Variants in RGS22 observed in about 807,000 individuals in gnomAD.
The protein encoded by RGS22 is regulator of G-protein signaling 22.
Under a neutral mutation model 172.9 loss-of-function variants are expected in RGS22, and 148 were observed. That is an observed-to-expected ratio of 0.86 (90% CI 0.75 to 0.98). The LOEUF is 0.98. Among genes scored for constraint, RGS22 ranks in the 50% least tolerant of loss-of-function variants. RGS22 has a pLI of 0.00. For missense variants in RGS22, 1,347 were observed against 1,440.8 expected, an observed-to-expected ratio of 0.93 and a Z score of 1.05; for synonymous variants, 458 against 480.2, an observed-to-expected ratio of 0.95 and a Z score of 0.60.
At chr8:100,057,171 C>T (rs958698792) in intron 9 of RGS22, among the ~76,000 whole-genome samples, 2 of 152,154 alleles carry the variant, frequency 1.3e-5, no homozygotes, top group African/African-American at 4.8e-5. Context: ...GTAGCCCTTT[C>T]GTTTTGGCCA....
intron 8 of RGS22, 34 bp from the exon 9 acceptor site, chr8:100,062,786 C>A (rs370048537): frequency 6.6e-7 from 1 of 1,523,314 alleles, no homozygotes; most frequent in Non-Finnish European, 9.0e-7. Flanking sequence ...TATACACACA[C>A]ACATTGGTAG....
In RGS22 at chr8:100,062,783, A is replaced by C. The variant is rs370049664; in HGVS notation, c.1353-31T>G. 2.3e-5 allele frequency: 35 copies of C among 1,536,712 alleles called. No individual in the cohort carries two copies. The African/African-American group carries it at 3.7e-4, about 16-fold the overall frequency. On this transcript the variant is annotated intron_variant, in intron 8 of 27. Transcript: ENST00000360863. ...ATAAAACACATTTCCATATATACAC[A>C]CACACATTGGTAGAATATTCAACTA...
intron 2 of RGS22, among the ~76,000 whole-genome samples, chr8:100,096,171 CA>C (rs1563729382): frequency 1.3e-5 from 2 of 152,198 alleles, no homozygotes; most frequent in South Asian, 4.1e-4. Flanking sequence ...CAGTCACTCT[CA>C]AAGAGTTTCC....
intron 20 of RGS22, among the ~76,000 whole-genome samples, chr8:99,990,966 C>T (rs140869819): frequency 6.6e-6 from 1 of 152,262 alleles, no homozygotes; most frequent in South Asian, 2.1e-4. Context: ...GATACCCAGG[C>T]AAAGAGGGTC....
At chr8:100,014,877 T>C (rs1282180264) in intron 14 of RGS22, among the ~76,000 whole-genome samples, 1 of 152,226 alleles carries the variant, frequency 6.6e-6, no homozygotes, top group Non-Finnish European at 1.5e-5. Flanking sequence ...CTCAGCTTCC[T>C]TGGCTCCTGA....
chr8:100,023,743 C>G (rs1309555597), intron 14 of RGS22, among the ~76,000 whole-genome samples: 1 of 152,118 alleles, frequency 6.6e-6, no homozygotes, highest in African/African-American at 2.4e-5. Flanking sequence ...CTGGAAAATT[C>G]TTTCTTTACA....
At chr8:100,104,161 T>C (rs1277828666) in intron 2 of RGS22, among the ~76,000 whole-genome samples, 4 of 151,934 alleles carry the variant, frequency 2.6e-5, no homozygotes, top group Non-Finnish European at 5.9e-5. Context: ...CTACAAAAAA[T>C]ATAAAAATTA....
chr8:100,046,204 GAC>G lies in RGS22; in HGVS notation c.1823+1257_1823+1258del, dbSNP rs1182758656. 3 of 152,102 alleles carry G rather than the reference GAC, an allele frequency of 2.0e-5. No individual in the cohort carries two copies. The East Asian group carries it at 5.8e-4, about 29-fold the overall frequency. 9.4% of individuals were successfully genotyped at this position (152,102 alleles called of 1,614,324 possible). On this transcript the variant is annotated intron_variant, in intron 11 of 27. Transcript: ENST00000360863. ...TAAGAATAAAACAATTTCAGTAAAT[GAC>G]ACACAAAAAACTCTCCAGTTGTTCT...
chr8:100,063,766 C>T lies in RGS22; in HGVS notation c.1002G>A (p.Lys334=). ...TATAGTCTGGGGTTTCTCCAACTGG[C>T]TTTCCAACAATTTGCTGAATTGCTC... is the stretch of plus-strand genomic sequence containing the variant. ...LRGAIQQIVG[K]PVGETPDYIN... Residue 334 remains lysine, a synonymous_variant, in exon 8 of 28, where the codon AAG becomes AAA. Transcript: ENST00000360863. 6.2e-7 allele frequency: 1 copy of T among 1,614,062 alleles called. No individual in the cohort carries two copies. Among genetic ancestry groups the T allele is most frequent in the African/African-American group, 1.3e-5 (1 of 75,044 alleles).
chr8:99,969,272 A>G (rs1203843515), intron 23 of RGS22, among the ~76,000 whole-genome samples: 1 of 152,226 alleles, frequency 6.6e-6, no homozygotes, highest in Non-Finnish European at 1.5e-5. Flanking sequence ...AACTGGTAAC[A>G]GCCACTGCAA....
rs1298983203 is a variant in RGS22, at chr8:99,961,047, G to A, written c.*195C>T. 2 of 365,618 alleles carry A rather than the reference G, an allele frequency of 5.5e-6. No individual in the cohort carries two copies. Among genetic ancestry groups the A allele is most frequent in the East Asian group, 1.5e-4 (2 of 13,382 alleles). 22.6% of individuals were successfully genotyped at this position (365,618 alleles called of 1,614,324 possible). A position where few individuals can be genotyped will look rare whatever the true frequency, so the allele number is the denominator to read the frequency against. Reference sequence around the variant, plus strand: ...TAGCTATAATTTTAAAACTGCGAGAGTAAGACAAGCCAAATTTTCTTTATT... The same window carrying A: ...TAGCTATAATTTTAAAACTGCGAGAATAAGACAAGCCAAATTTTCTTTATT... On this transcript the variant is annotated 3_prime_UTR_variant, in exon 28 of 28. Coordinates refer to ENST00000360863, the MANE Select transcript of RGS22 (RefSeq NM_015668.5).
chr8:100,094,861 T>C (rs1010435431), intron 2 of RGS22, among the ~76,000 whole-genome samples: 1 of 152,216 alleles, frequency 6.6e-6, no homozygotes, highest in African/African-American at 2.4e-5. Context: ...GTAGAAGGCA[T>C]TGTGCTACAA....
At chr8:100,012,831 A>C (rs1003403515) in intron 14 of RGS22, among the ~76,000 whole-genome samples, 2 of 152,142 alleles carry the variant, frequency 1.3e-5, no homozygotes, top group Non-Finnish European at 1.5e-5. Flanking sequence ...TAGGGGAGAA[A>C]TATTTTTTTG....
At chr8:100,089,815 T>C (rs968844836) in intron 3 of RGS22, among the ~76,000 whole-genome samples, 1 of 152,150 alleles carries the variant, frequency 6.6e-6, no homozygotes, top group African/African-American at 2.4e-5. Flanking sequence ...GATTCTCTTA[T>C]CCAAATCATT....
rs542472492 is a variant in RGS22, at chr8:100,038,678, T to G, written c.2166+253A>C. On this transcript the variant is annotated intron_variant, in intron 14 of 27. Transcript: ENST00000360863. ...ACATTAGAAAAAAAAGAGAGAGAGA[T>G]GTTCTTTATCAGAAGAACAAGTAGT... 3 of 311,106 alleles carry G rather than the reference T, an allele frequency of 9.6e-6. No homozygotes were observed. The Admixed American group carries it at 1.5e-4, about 15-fold the overall frequency. 19.3% of individuals were successfully genotyped at this position (311,106 alleles called of 1,614,324 possible). A position where few individuals can be genotyped will look rare whatever the true frequency, so the allele number is the denominator to read the frequency against.
At chr8:100,012,393 G>C (rs1816482863) in intron 14 of RGS22, among the ~76,000 whole-genome samples, 1 of 152,182 alleles carries the variant, frequency 6.6e-6, no homozygotes, top group African/African-American at 2.4e-5. Flanking sequence ...AAGAGCAACA[G>C]TGATTTGAAA....
intron 14 of RGS22, among the ~76,000 whole-genome samples, chr8:100,017,470 A>T (rs1477078457): frequency 6.6e-6 from 1 of 152,174 alleles, no homozygotes; most frequent in Non-Finnish European, 1.5e-5. Context: ...AACTGAATTC[A>T]GTTTGTCAAT....
rs775222030 is a variant in RGS22 at position 100,062,651 on chromosome 8, C to G, written c.1454G>C (p.Trp485Ser). The G allele has an allele frequency of 1.7e-5, 27 of 1,604,712 alleles. No homozygotes were observed. Among genetic ancestry groups the G allele is most frequent in the Non-Finnish European group, 2.1e-5 (25 of 1,173,578 alleles). The part of the protein sequence containing the change: ...SKFKLLDGSQ[W>S]NEEHLRNIQS... ...AATATTTCTTAAATGCTCTTCATTC[C>G]ACTGTGATCCATCTAACAGTTTAAA... is the stretch of plus-strand genomic sequence containing the variant. Residue 485 changes from tryptophan to serine, a missense_variant, in exon 9 of 28, where the codon TGG (tryptophan) becomes TCG (serine). Coordinates refer to ENST00000360863, the MANE Select transcript of RGS22 (RefSeq NM_015668.5).
In RGS22 at chr8:99,987,632, G is replaced by A; in HGVS notation, c.3019-13C>T. ...TACTCTCCACAGGCTGTCCAAAGCA[G>A]AGAATATAGGAAATTAGCTCATTAA... is the stretch of plus-strand genomic sequence containing the variant. On this transcript the variant is annotated splice_polypyrimidine_tract_variant and intron_variant, in intron 20 of 27. Coordinates refer to ENST00000360863, the MANE Select transcript of RGS22 (RefSeq NM_015668.5). 1 of 1,517,750 alleles carries A rather than the reference G, an allele frequency of 6.6e-7. No individual in the cohort carries two copies. The highest frequency in any genetic ancestry group is 8.8e-7 in the Non-Finnish European group (1 of 1,130,336). 94.0% of individuals were successfully genotyped at this position (1,517,750 alleles called of 1,614,324 possible). A position where few individuals can be genotyped will look rare whatever the true frequency, so the allele number is the denominator to read the frequency against.
Sources: allele counts gnomAD v4.1 joint callset (sites outside exome capture counted in the v4.1 genomes callset), GRCh38; gene constraint gnomAD v4.1.1; transcripts MANE v1.5; gene names NCBI Gene and HGNC (gene_info 2026-07-23, HGNC 2026-07-21).